Variants in C5AR2 observed in about 807,000 individuals in gnomAD.
C5AR2 encodes complement C5a receptor 2.
For synonymous variants in C5AR2, 224 were observed against 216.5 expected, an observed-to-expected ratio of 1.03 and a Z score of -0.30; for missense variants, 458 against 467.5, an observed-to-expected ratio of 0.98 and a Z score of 0.19.
intron 1 of C5AR2, among the ~76,000 whole-genome samples, chr19:47,333,875 C>T (rs909301230): frequency 1.3e-5 from 2 of 152,166 alleles, no homozygotes; most frequent in African/African-American, 2.4e-5. Context: ...CCACTGCGCC[C>T]GGCCAGCCTT....
chr19:47,341,183 C>T lies in C5AR2; in HGVS notation c.384C>T (p.Leu128=). 6.2e-7 allele frequency: 1 copy of T among 1,600,980 alleles called. No homozygotes were observed. Among genetic ancestry groups the T allele is most frequent in the Non-Finnish European group, 8.5e-7 (1 of 1,179,896 alleles). ...CCAGCGTCCTGCTCCTGGCAGCTCT[C>T]AGTGCCGACCTCTGCTTCCTGGCTC... The part of the protein sequence containing the change: ...MYASVLLLAA[L]SADLCFLALG... Residue 128 remains leucine, a synonymous_variant, in exon 2 of 2, where the codon CTC becomes CTT. Coordinates refer to ENST00000595464, the MANE Select transcript of C5AR2 (RefSeq NM_001271749.2). The surrounding 1 kb of genome is among the most constrained non-coding windows in gnomAD (Gnocchi z 4.6).
intron 1 of C5AR2, among the ~76,000 whole-genome samples, chr19:47,335,388 T>G (rs1278619901): frequency 6.6e-6 from 1 of 151,986 alleles, no homozygotes; most frequent in Non-Finnish European, 1.5e-5. Context: ...TGTTGAAAGC[T>G]CCCATTTCTG....
rs767158111 is a variant in C5AR2 at position 47,346,892 on chromosome 19, T to C, written c.*5079T>C. 3.2e-4 allele frequency: 49 copies of C among 152,216 alleles called. No individual in the cohort carries two copies. Among genetic ancestry groups the C allele is most frequent in the Non-Finnish European group, 5.0e-4 (34 of 68,040 alleles). 9.4% of individuals were successfully genotyped at this position (152,216 alleles called of 1,614,324 possible). ...TTTGCAAAATCCTCCCATTAATCTA[T>C]TGGGACCAGTTGCCACTTAGGAGCA... On this transcript the variant is annotated 3_prime_UTR_variant, in exon 2 of 2. Coordinates refer to ENST00000595464, the MANE Select transcript of C5AR2 (RefSeq NM_001271749.2).
At chr19:47,339,376 G>T (rs2059373302) in intron 1 of C5AR2, among the ~76,000 whole-genome samples, 1 of 151,180 alleles carries the variant, frequency 6.6e-6, no homozygotes, top group South Asian at 2.1e-4. Context: ...GAGTGCACTG[G>T]CATGATCTCA....
chr19:47,340,839 A>G lies in C5AR2; in HGVS notation c.40A>G (p.Ser14Gly), dbSNP rs1248932383. 1.2e-6 allele frequency: 2 copies of G among 1,613,480 alleles called. No homozygotes were observed. The highest frequency in any genetic ancestry group is 1.3e-5 in the African/African-American group (1 of 74,928). ...DSVSYEYGDY[S>G]DLSDRPVDCL... ...TGTCAGCTACGAGTATGGGGATTAC[A>G]GCGACCTCTCGGACCGCCCTGTGGA... is the stretch of plus-strand genomic sequence containing the variant. The change falls in exon 2 of 2, where the codon AGC (serine) becomes GGC (glycine). Residue 14 changes from serine (S) to glycine (G), a missense_variant. Physicochemically the swap from Ser to Gly is moderately conservative, Grantham distance 56. Coordinates refer to ENST00000595464, the MANE Select transcript of C5AR2 (RefSeq NM_001271749.2).
rs199564796 is a variant in C5AR2, at chr19:47,344,346, C to CTAAATAAATAAA, written c.*2545_*2556dup. ...TAGGTGACGGAGCGGGACCCTGCCG[C>CTAAATAAATAAA]TAAATAAATAAATAAATAAATAACA... On this transcript the variant is annotated 3_prime_UTR_variant, in exon 2 of 2. Coordinates refer to ENST00000595464, the MANE Select transcript of C5AR2 (RefSeq NM_001271749.2). 2.3e-4 allele frequency: 35 copies of CTAAATAAATAAA among 151,856 alleles called. No homozygotes were observed. The highest frequency in any genetic ancestry group is 8.5e-4 in the African/African-American group (35 of 41,396). The allele number at this position is 151,856 out of a possible 1,614,324, so 9.4% of individuals were successfully genotyped here. A position where few individuals can be genotyped will look rare whatever the true frequency, so the allele number is the denominator to read the frequency against.
At chr19:47,336,192 C>T (rs999095658) in intron 1 of C5AR2, among the ~76,000 whole-genome samples, 3 of 150,664 alleles carry the variant, frequency 2.0e-5, no homozygotes, top group East Asian at 2.0e-4. Flanking sequence ...CGGGTTCCAG[C>T]GATTCTCTTG....
chr19:47,341,172 C>G lies in C5AR2; in HGVS notation c.373C>G (p.Leu125Val). 1 of 1,601,100 alleles carries G rather than the reference C, an allele frequency of 6.2e-7. No individual in the cohort carries two copies. Among genetic ancestry groups the G allele is most frequent in the Non-Finnish European group, 8.5e-7 (1 of 1,179,890 alleles). The change falls in exon 2 of 2, where the codon CTG (leucine) becomes GTG (valine). Residue 125 changes from leucine (L) to valine (V), a missense_variant. By Grantham distance (32) the Leu-to-Val change is conservative. Coordinates refer to ENST00000595464, the MANE Select transcript of C5AR2 (RefSeq NM_001271749.2). This position sits in a 1 kb window ranked among gnomAD's most constrained non-coding sequence, Gnocchi z 4.6. ...GACCATGTATGCCAGCGTCCTGCTC[C>G]TGGCAGCTCTCAGTGCCGACCTCTG... ...LLTMYASVLL[L>V]AALSADLCFL...
At chr19:47,340,049 G>A (rs905794423) in intron 1 of C5AR2, among the ~76,000 whole-genome samples, 1 of 151,070 alleles carries the variant, frequency 6.6e-6, no homozygotes, top group Admixed American at 6.6e-5. Flanking sequence ...CAATCTCCTG[G>A]GCTCAAATGA....
In C5AR2 at chr19:47,339,485, T is replaced by A. The variant is rs1210447825; in HGVS notation, c.-15-1300T>A. ...GGCGTCCACCATCACTCCAGGTTAT[T>A]TTTGTGTTTTTAGGAGAGATGGGGT... On this transcript the variant is annotated intron_variant, in intron 1 of 1. Transcript: ENST00000595464. Among the ~76,000 whole-genome samples the A allele has an allele frequency of 2.0e-5, 3 of 152,070 alleles. No individual in the cohort carries two copies. The East Asian group carries it at 5.9e-4, about 30-fold the overall frequency.
rs1415907349 is a variant in C5AR2 at position 47,346,498 on chromosome 19, G to A, written c.*4685G>A. The A allele has an allele frequency of 3.3e-5, 5 of 152,136 alleles. No individual in the cohort carries two copies. Among genetic ancestry groups the A allele is most frequent in the South Asian group, 2.1e-4 (1 of 4,830 alleles). 9.4% of individuals were successfully genotyped at this position (152,136 alleles called of 1,614,324 possible). A position where few individuals can be genotyped will look rare whatever the true frequency, so the allele number is the denominator to read the frequency against. ...GCAGGTGGATCACCTGAGGTCAGGA[G>A]ATCAAGACCATCCTGGCTAACATAG... On this transcript the variant is annotated 3_prime_UTR_variant, in exon 2 of 2. Coordinates refer to ENST00000595464, the MANE Select transcript of C5AR2 (RefSeq NM_001271749.2).
In C5AR2 at chr19:47,340,816, T is replaced by C; in HGVS notation, c.17T>C (p.Val6Ala). 1 of 1,613,484 alleles carries C rather than the reference T, an allele frequency of 6.2e-7. No individual in the cohort carries two copies. Among genetic ancestry groups the C allele is most frequent in the Non-Finnish European group, 8.5e-7 (1 of 1,179,982 alleles). Residue 6 changes from valine to alanine, a missense_variant, in exon 2 of 2, where the codon GTC becomes GCC. Transcript: ENST00000595464. ...GGAGCCTGAATGGGGAACGATTCTG[T>C]CAGCTACGAGTATGGGGATTACAGC... Reference protein sequence around the residue: MGNDSVSYEYGDYSDL... With the variant: MGNDSASYEYGDYSDL...
rs1969031342 is a variant in C5AR2 at position 47,341,516 on chromosome 19, G to T, written c.717G>T (p.Val239=). 2 of 1,612,056 alleles carry T rather than the reference G, an allele frequency of 1.2e-6. No individual in the cohort carries two copies. Among genetic ancestry groups the T allele is most frequent in the Non-Finnish European group, 1.7e-6 (2 of 1,179,640 alleles). ...GCCGGCCGCTGGGCACAGCCATTGTGGTGGGGTTTTTTGTCTGCTGGGCAC... is the reference window on the plus strand; with the variant it reads ...GCCGGCCGCTGGGCACAGCCATTGTTGTGGGGTTTTTTGTCTGCTGGGCAC... The part of the protein sequence containing the change: ...RRCRPLGTAI[V]VGFFVCWAPY... Residue 239 remains valine (V), a synonymous_variant, in exon 2 of 2, where the codon GTG becomes GTT. Coordinates refer to ENST00000595464, the MANE Select transcript of C5AR2 (RefSeq NM_001271749.2). This position sits in a 1 kb window ranked among gnomAD's most constrained non-coding sequence, Gnocchi z 4.6.
rs1393067286 is a variant in C5AR2 at position 47,341,363 on chromosome 19, G to T, written c.564G>T (p.Val188=). ...TCCCAGCCCGGCTGCAGTGTGTGGT[G>T]GACTACGGCGGCTCCTCCAGCACCG... ...EHFPARLQCV[V]DYGGSSSTEN... Residue 188 remains valine, a synonymous_variant, in exon 2 of 2, where the codon GTG becomes GTT. Coordinates refer to ENST00000595464, the MANE Select transcript of C5AR2 (RefSeq NM_001271749.2). This position sits in a 1 kb window ranked among gnomAD's most constrained non-coding sequence, Gnocchi z 4.6. 1 of 1,612,380 alleles carries T rather than the reference G, an allele frequency of 6.2e-7. No homozygotes were observed.
chr19:47,336,341 C>T (rs1280934131), intron 1 of C5AR2, among the ~76,000 whole-genome samples: 3 of 151,948 alleles, frequency 2.0e-5, no homozygotes, highest in Non-Finnish European at 4.4e-5. Context: ...CCGCCCACCT[C>T]GGCCTCCCAA....
In C5AR2 at chr19:47,345,569, C is replaced by A. The variant is rs1436721428; in HGVS notation, c.*3756C>A. The A allele has an allele frequency of 6.6e-6, 1 of 150,804 alleles. No homozygotes were observed. The highest frequency in any genetic ancestry group is 6.6e-5 in the Admixed American group (1 of 15,044). 9.3% of individuals were successfully genotyped at this position (150,804 alleles called of 1,614,324 possible). ...TTTATTTTTAGTAGAGACGGGGTTT[C>A]TCCATGTTGGCCAGGCTGGTCTCGA... On this transcript the variant is annotated 3_prime_UTR_variant, in exon 2 of 2. Transcript: ENST00000595464.
At position 47,340,886 on chromosome 19, in the gene C5AR2, G is replaced by C. The variant is rs769270034; in HGVS notation, c.87G>C (p.Leu29=). 4 of 1,613,452 alleles carry C rather than the reference G, an allele frequency of 2.5e-6. No individual in the cohort carries two copies. Among genetic ancestry groups the C allele is most frequent in the Admixed American group, 1.7e-5 (1 of 60,026 alleles). Residue 29 remains leucine, a synonymous_variant, in exon 2 of 2, where the codon CTG becomes CTC. Coordinates refer to ENST00000595464, the MANE Select transcript of C5AR2 (RefSeq NM_001271749.2). ...TGGACTGCCTGGATGGCGCCTGCCT[G>C]GCCATCGACCCGCTGCGCGTGGCCC... ...RPVDCLDGAC[L]AIDPLRVAPL...
In C5AR2 at chr19:47,344,037, C is replaced by A. The variant is rs1435050995; in HGVS notation, c.*2224C>A. 6.6e-6 allele frequency: 1 copy of A among 151,866 alleles called. No individual in the cohort carries two copies. The highest frequency in any genetic ancestry group is 2.4e-5 in the African/African-American group (1 of 41,350). 9.4% of individuals were successfully genotyped at this position (151,866 alleles called of 1,614,324 possible). On this transcript the variant is annotated 3_prime_UTR_variant, in exon 2 of 2. Transcript: ENST00000595464. Reference sequence around the variant, plus strand: ...AATTTACTTTTGAACTCTACCTGCTCAGATCTTTTAAATTACATGGTAGGC... The same window carrying A: ...AATTTACTTTTGAACTCTACCTGCTAAGATCTTTTAAATTACATGGTAGGC...
rs1969120334 is a variant in C5AR2, at chr19:47,346,435, G to C, written c.*4622G>C. The C allele has an allele frequency of 6.6e-6, 1 of 152,170 alleles. No homozygotes were observed. Among genetic ancestry groups the C allele is most frequent in the South Asian group, 2.1e-4 (1 of 4,834 alleles). The allele number at this position is 152,170 out of a possible 1,614,324, so 9.4% of individuals were successfully genotyped here. On this transcript the variant is annotated 3_prime_UTR_variant, in exon 2 of 2. Coordinates refer to ENST00000595464, the MANE Select transcript of C5AR2 (RefSeq NM_001271749.2). ...AAAATAGGTATAGGCTGGGCGTGGT[G>C]GCTCATGTCTGTAATCCCAGTACTT...
Sources: allele counts gnomAD v4.1 joint callset (sites outside exome capture counted in the v4.1 genomes callset), GRCh38; gene constraint gnomAD v4.1.1; non-coding constraint Gnocchi (gnomAD v3.1); transcripts MANE v1.5; gene names NCBI Gene and HGNC (gene_info 2026-07-23, HGNC 2026-07-21).